STT3A: variants seen among roughly 807,000 people sequenced by gnomAD.
STT3A encodes dolichyl-diphosphooligosaccharide--protein glycosyltransferase subunit STT3A.
A neutral mutation model predicts 89.2 loss-of-function variants in STT3A; 34 were observed. The observed-to-expected ratio is 0.38, with a 90% confidence interval of 0.29 to 0.51. The LOEUF (loss-of-function observed/expected upper bound fraction) is 0.51. STT3A is among the 20% of genes least tolerant of loss of function. The pLI is 0.89. For missense variants in STT3A, 555 were observed against 889.5 expected (o/e 0.62, Z 4.78); for synonymous variants, 282 against 310.3 (o/e 0.91, Z 0.96).
chr11:125,613,832 T>C lies in STT3A; in HGVS notation c.1555-255T>C. The stretch of plus-strand genomic sequence containing the variant: ...CAGTCTCCCACACCTCCCACCCCAT[T>C]ATGTTAGTATAAAGTGACCTGGGAT... On this transcript the variant is annotated intron_variant, in intron 13 of 17. Coordinates refer to ENST00000392708, the MANE Select transcript of STT3A (RefSeq NM_152713.5). The surrounding 1 kb of genome is among the most constrained non-coding windows in gnomAD (Gnocchi z 4.2). 1 of 414,202 alleles carries C rather than the reference T, an allele frequency of 2.4e-6. No individual in the cohort carries two copies. The highest frequency in any genetic ancestry group is 4.5e-6 in the Non-Finnish European group (1 of 224,546). 25.7% of individuals were successfully genotyped at this position (414,202 alleles called of 1,614,324 possible). A position where few individuals can be genotyped will look rare whatever the true frequency, so the allele number is the denominator to read the frequency against.
At chr11:125,608,740 G>A (rs141423346) in intron 9 of STT3A, among the ~76,000 whole-genome samples, 23 of 152,126 alleles carry the variant, frequency 1.5e-4, no homozygotes, top group Admixed American at 4.6e-4. Flanking sequence ...TTTTTTCATC[G>A]GAAGCATGTA....
chr11:125,615,745 A>G (rs1940159354), intron 15 of STT3A, among the ~76,000 whole-genome samples: 1 of 152,190 alleles, frequency 6.6e-6, no homozygotes. Flanking sequence ...AGATAATACG[A>G]TAACCATTAA....
upstream of STT3A, chr11:125,592,495 T>C (rs1939330443): frequency 2.2e-6 from 1 of 455,746 alleles, no homozygotes; most frequent in East Asian, 7.0e-5. Flanking sequence ...TCAGCGTAGT[T>C]TCCGCTTCTT....
chr11:125,596,335 G>A (rs976130247), intron 2 of STT3A, among the ~76,000 whole-genome samples: 4 of 152,076 alleles, frequency 2.6e-5, no homozygotes, highest in Non-Finnish European at 5.9e-5. Context: ...TGTGGTGGTG[G>A]ATGCCTGTAT....
rs936390139 is a variant in STT3A, at chr11:125,602,222, G to A, written c.150-81G>A. ...TGATGTTAAACTGATTTTTCATTGAGTAATGCTGAATTTCTCAATGGTGTA... is the reference window on the plus strand; with the variant it reads ...TGATGTTAAACTGATTTTTCATTGAATAATGCTGAATTTCTCAATGGTGTA... On this transcript the variant is annotated intron_variant, in intron 3 of 17. Transcript: ENST00000392708. 9 of 1,494,054 alleles carry A rather than the reference G, an allele frequency of 6.0e-6. No individual in the cohort carries two copies. In the African/African-American group the frequency reaches 9.9e-5, roughly 16 times the overall value. The allele number at this position is 1,494,054 out of a possible 1,614,324, so 92.5% of individuals were successfully genotyped here. A position where few individuals can be genotyped will look rare whatever the true frequency, so the allele number is the denominator to read the frequency against.
chr11:125,603,607 T>G (rs1411678728), intron 5 of STT3A: 4 of 153,224 alleles, frequency 2.6e-5, no homozygotes, highest in Non-Finnish European at 5.8e-5. Flanking sequence ...AAGTCTTTAC[T>G]TTTTTGGAAT....
intron 9 of STT3A, among the ~76,000 whole-genome samples, chr11:125,609,042 T>C (rs1363869166): frequency 1.3e-5 from 2 of 152,250 alleles, no homozygotes; most frequent in Non-Finnish European, 2.9e-5. Context: ...TTTCTCTACT[T>C]TGCTTTCTCA....
At chr11:125,601,385 C>G (rs1018890247) in intron 3 of STT3A, among the ~76,000 whole-genome samples, 5 of 152,168 alleles carry the variant, frequency 3.3e-5, no homozygotes, top group Admixed American at 6.5e-5. Context: ...CTTTGTGAGG[C>G]TGGGGCAGGT....
chr11:125,618,367 T>C lies in STT3A; in HGVS notation c.1775-6T>C. Reference sequence around the variant, plus strand: ...TGCAGCAGTTCTTTTTTTTTTTTTCTCCTAGATATCAACAAGTTTCTTTGG... The same window carrying C: ...TGCAGCAGTTCTTTTTTTTTTTTTCCCCTAGATATCAACAAGTTTCTTTGG... On this transcript the variant is annotated splice_region_variant and splice_polypyrimidine_tract_variant and intron_variant, in intron 15 of 17. Coordinates refer to ENST00000392708, the MANE Select transcript of STT3A (RefSeq NM_152713.5). The C allele has an allele frequency of 1.9e-6, 3 of 1,571,566 alleles. No individual in the cohort carries two copies. Among genetic ancestry groups the C allele is most frequent in the Non-Finnish European group, 2.6e-6 (3 of 1,162,444 alleles).
At chr11:125,617,903 C>G (rs1052213786) in intron 15 of STT3A, among the ~76,000 whole-genome samples, 2 of 152,192 alleles carry the variant, frequency 1.3e-5, no homozygotes, top group Non-Finnish European at 2.9e-5. Context: ...CATATCAAAA[C>G]ATTATTATTT....
chr11:125,599,378 T>TG (rs1939604691), intron 3 of STT3A, among the ~76,000 whole-genome samples: 1 of 152,198 alleles, frequency 6.6e-6, no homozygotes, highest in Non-Finnish European at 1.5e-5. Flanking sequence ...GTAATTAAAC[T>TG]GTCTCTAGTT....
At chr11:125,592,223 G>C (rs968038968), upstream of STT3A, among the ~76,000 whole-genome samples, 3 of 152,138 alleles carry the variant, frequency 2.0e-5, no homozygotes, top group Admixed American at 6.6e-5. Context: ...CAAAACCAGG[G>C]GCTGTGAACT....
chr11:125,608,916 T>C (rs943451646), intron 9 of STT3A, among the ~76,000 whole-genome samples: 4 of 152,054 alleles, frequency 2.6e-5, no homozygotes, highest in Non-Finnish European at 4.4e-5. Flanking sequence ...TTCCTATTGA[T>C]TGGGTGGGAG....
At chr11:125,606,534 T>A in intron 8 of STT3A, 69 bp downstream of exon 8, 1 of 1,492,244 alleles carries the variant, frequency 6.7e-7, no homozygotes, top group Non-Finnish European at 9.0e-7. Flanking sequence ...GACTGATTTA[T>A]CTTAGATTCT....
chr11:125,606,472 C>T lies in STT3A; in HGVS notation c.780+7C>T, dbSNP rs1939843331. The stretch of plus-strand genomic sequence containing the variant: ...CTCCTTTGTGGGTTTCCAGGTGAGC[C>T]CTTGACTGAGTAGGGTTTTCAGCTT... On this transcript the variant is annotated splice_region_variant and intron_variant, in intron 8 of 17. Coordinates refer to ENST00000392708, the MANE Select transcript of STT3A (RefSeq NM_152713.5). 3 of 1,607,866 alleles carry T rather than the reference C, an allele frequency of 1.9e-6. No individual in the cohort carries two copies. The highest frequency in any genetic ancestry group is 2.5e-6 in the Non-Finnish European group (3 of 1,177,880).
At position 125,614,240 on chromosome 11, in the gene STT3A, C is replaced by T. The variant is rs775485276; in HGVS notation, c.1671+37C>T. The T allele has an allele frequency of 8.7e-6, 14 of 1,611,602 alleles. No individual in the cohort carries two copies. The highest frequency in any genetic ancestry group is 1.2e-5 in the Non-Finnish European group (14 of 1,177,854). Reference sequence around the variant, plus strand: ...GGATGATCTTTGAGTGTTTGGTGTACAAGGTCTAATGGGAAATGTGTCTGC... The same window carrying T: ...GGATGATCTTTGAGTGTTTGGTGTATAAGGTCTAATGGGAAATGTGTCTGC... On this transcript the variant is annotated intron_variant, in intron 14 of 17. Coordinates refer to ENST00000392708, the MANE Select transcript of STT3A (RefSeq NM_152713.5). This position sits in a 1 kb window ranked among gnomAD's most constrained non-coding sequence, Gnocchi z 4.9.
At position 125,608,169 on chromosome 11, in the gene STT3A, G is replaced by A. The variant is rs1170078484; in HGVS notation, c.841G>A (p.Ala281Thr). 1.9e-6 allele frequency: 3 copies of A among 1,614,058 alleles called. No homozygotes were observed. Among genetic ancestry groups the A allele is most frequent in the South Asian group, 1.1e-5 (1 of 91,088 alleles). Residue 281 changes from alanine (A) to threonine (T), a missense_variant, in exon 9 of 18, where the codon GCC (alanine) becomes ACC (threonine). Transcript: ENST00000392708. ...GGTCTTTGGTCTCTGCCAGATCCAT[G>A]CCTTTGTGGATTACCTGCGCAGCAA... is the stretch of plus-strand genomic sequence containing the variant. ...FGVFGLCQIH[A>T]FVDYLRSKLN...
chr11:125,620,851 C>A lies in STT3A; in HGVS notation c.*41C>A. 12 of 1,410,854 alleles carry A rather than the reference C, an allele frequency of 8.5e-6. No homozygotes were observed. Among genetic ancestry groups the A allele is most frequent in the South Asian group, 1.2e-5 (1 of 81,378 alleles). 87.4% of individuals were successfully genotyped at this position (1,410,854 alleles called of 1,614,324 possible). A position where few individuals can be genotyped will look rare whatever the true frequency, so the allele number is the denominator to read the frequency against. ...CTGATATGCTTCGCACTGAGCACATCACATTTAGGACGTTGAAGATTTTTT... is the reference window on the plus strand; with the variant it reads ...CTGATATGCTTCGCACTGAGCACATAACATTTAGGACGTTGAAGATTTTTT... On this transcript the variant is annotated 3_prime_UTR_variant, in exon 18 of 18. Transcript: ENST00000392708.
At chr11:125,592,637 G>T (rs957043966), upstream of STT3A, 6 of 386,302 alleles carry the variant, frequency 1.6e-5, no homozygotes, top group Admixed American at 1.5e-4. Flanking sequence ...TGACTCCTAC[G>T]CGCCGGCCTA....
Sources: gnomAD v4.1 joint callset for allele counts (sites outside exome capture counted in the v4.1 genomes callset) on GRCh38, gnomAD v4.1.1 for gene constraint, Gnocchi (gnomAD v3.1) non-coding constraint, MANE v1.5 for transcripts, NCBI Gene and HGNC (gene_info 2026-07-23, HGNC 2026-07-21) for gene names.